Variants in CSMD1 observed in about 807,000 individuals in gnomAD.
CSMD1 encodes the protein CUB and sushi domain-containing protein 1.
A neutral mutation model predicts 417.5 loss-of-function variants in CSMD1; 213 were observed. That is an observed-to-expected ratio of 0.51 (90% CI 0.46 to 0.57). CSMD1 has a LOEUF of 0.57. Ranked by LOEUF, CSMD1 falls within the 20% of genes least tolerant of loss-of-function variation. CSMD1 has a pLI of 0.00. For missense variants in CSMD1, 6,923 were observed against 4,529.7 expected, an observed-to-expected ratio of 1.53 and a Z score of -15.17; for synonymous variants, 2,862 against 1,736.8, an observed-to-expected ratio of 1.65 and a Z score of -16.11.
intron 3 of CSMD1, among the ~76,000 whole-genome samples, chr8:4,202,053 G>A (rs1167193746): frequency 6.6e-6 from 1 of 151,988 alleles, no homozygotes; most frequent in African/African-American, 2.4e-5. Flanking sequence ...CCTGCTGTGG[G>A]TTGGCTCTTA....
At chr8:3,755,585 A>G (rs577324366) in intron 5 of CSMD1, among the ~76,000 whole-genome samples, 6 of 152,146 alleles carry the variant, frequency 3.9e-5, no homozygotes, top group Admixed American at 6.5e-5. Flanking sequence ...ATTTCTACAC[A>G]GACGATTTCC....
chr8:3,764,404 A>C (rs970885385), intron 5 of CSMD1, among the ~76,000 whole-genome samples: 1 of 152,160 alleles, frequency 6.6e-6, no homozygotes, highest in South Asian at 2.1e-4. Flanking sequence ...ATAATCAAAC[A>C]TATATAAACA....
At chr8:3,063,415 A>G (rs1042122326) in intron 49 of CSMD1, among the ~76,000 whole-genome samples, 2 of 152,256 alleles carry the variant, frequency 1.3e-5, no homozygotes, top group African/African-American at 4.8e-5. Flanking sequence ...GTTAAACAAT[A>G]CAGCCACTGT....
intron 7 of CSMD1, among the ~76,000 whole-genome samples, chr8:3,686,435 G>T (rs1344503365): frequency 6.6e-6 from 1 of 152,042 alleles, no homozygotes; most frequent in Non-Finnish European, 1.5e-5. Context: ...TGGTGGATGG[G>T]TTAAGAATAT....
chr8:4,916,385 T>C (rs1260156376), intron 1 of CSMD1, among the ~76,000 whole-genome samples: 1 of 152,254 alleles, frequency 6.6e-6, no homozygotes, highest in Non-Finnish European at 1.5e-5. Context: ...GGTTATAGAT[T>C]CAGAGTACAT....
chr8:3,574,700 G>C (rs1021029725), intron 10 of CSMD1, among the ~76,000 whole-genome samples: 3 of 152,216 alleles, frequency 2.0e-5, no homozygotes, highest in Non-Finnish European at 2.9e-5. Flanking sequence ...GATACATAAA[G>C]GAGGAATGTA....
intron 3 of CSMD1, among the ~76,000 whole-genome samples, chr8:4,291,945 G>A (rs957240186): frequency 6.6e-6 from 1 of 152,182 alleles, no homozygotes; most frequent in South Asian, 2.1e-4. Flanking sequence ...AAAGCAGGCA[G>A]GGAGCCTGGT....
At chr8:4,445,176 CT>C (rs956589128) in intron 2 of CSMD1, among the ~76,000 whole-genome samples, 4 of 151,746 alleles carry the variant, frequency 2.6e-5, no homozygotes, top group Admixed American at 6.6e-5. Flanking sequence ...AATCTGACAC[CT>C]TTTTTTTAAT....
chr8:4,686,411 C>T (rs924348125), intron 1 of CSMD1, among the ~76,000 whole-genome samples: 8 of 152,224 alleles, frequency 5.3e-5, no homozygotes, highest in Non-Finnish European at 1.0e-4. Flanking sequence ...CTGTCACCTG[C>T]CCTTGCTCTT....
rs57171569 is a variant in CSMD1 at position 3,284,636 on chromosome 8, C to T, written c.3951-290G>A. On this transcript the variant is annotated intron_variant, in intron 25 of 69. Coordinates refer to ENST00000635120, the MANE Select transcript of CSMD1 (RefSeq NM_033225.6). Reference sequence around the variant, plus strand: ...GATAAAAGGATTGCTTTTGAGACTTCCAGATCTCTGTATAATTTAAGCTTT... The same window carrying T: ...GATAAAAGGATTGCTTTTGAGACTTTCAGATCTCTGTATAATTTAAGCTTT... The T allele has an allele frequency of 1.1e-5, 4 of 369,670 alleles. No homozygotes were observed. In the South Asian group the frequency reaches 1.1e-4, roughly 10 times the overall value. 22.9% of individuals were successfully genotyped at this position (369,670 alleles called of 1,614,324 possible). A position where few individuals can be genotyped will look rare whatever the true frequency, so the allele number is the denominator to read the frequency against.
At chr8:4,133,964 A>G (rs943862019) in intron 3 of CSMD1, among the ~76,000 whole-genome samples, 2 of 152,310 alleles carry the variant, frequency 1.3e-5, no homozygotes, top group East Asian at 3.9e-4. Flanking sequence ...GCAAACAAAC[A>G]TTTTTAAACT....
At chr8:4,296,216 C>G (rs1304981251) in intron 3 of CSMD1, among the ~76,000 whole-genome samples, 2 of 152,090 alleles carry the variant, frequency 1.3e-5, no homozygotes, top group Non-Finnish European at 2.9e-5. Flanking sequence ...CAGCTGGGTC[C>G]AGCTTAAAAC....
chr8:3,753,751 A>G (rs1329748200), intron 6 of CSMD1, among the ~76,000 whole-genome samples, 179 bp downstream of exon 6: 8 of 152,244 alleles, frequency 5.3e-5, no homozygotes, highest in Non-Finnish European at 1.2e-4. Context: ...TGATAGTGAT[A>G]TAGCTTTACT....
chr8:3,325,898 T>C (rs556011623), intron 23 of CSMD1, among the ~76,000 whole-genome samples: 2 of 152,080 alleles, frequency 1.3e-5, no homozygotes, highest in South Asian at 4.1e-4. Context: ...CACTATCAGA[T>C]CATCACAAAA....
chr8:3,955,772 G>T (rs1043077414), intron 5 of CSMD1, among the ~76,000 whole-genome samples: 1 of 152,202 alleles, frequency 6.6e-6, no homozygotes, highest in African/African-American at 2.4e-5. Context: ...GAAACCCAGT[G>T]AATTAATATC....
intron 4 of CSMD1, among the ~76,000 whole-genome samples, chr8:4,009,867 A>G (rs1327781681): frequency 6.6e-6 from 1 of 151,890 alleles, no homozygotes; most frequent in Admixed American, 6.6e-5. Context: ...TTAAGAGGGT[A>G]CTCTCGTACA....
intron 12 of CSMD1, among the ~76,000 whole-genome samples, chr8:3,464,891 T>G (rs917549396): frequency 1.3e-5 from 2 of 152,164 alleles, no homozygotes; most frequent in African/African-American, 4.8e-5. Context: ...ATGATCTCCC[T>G]CAAGAGCTCT....
At chr8:4,242,015 G>A (rs985203634) in intron 3 of CSMD1, among the ~76,000 whole-genome samples, 6 of 152,142 alleles carry the variant, frequency 3.9e-5, no homozygotes, top group Non-Finnish European at 8.8e-5. Context: ...CAATTCATCT[G>A]CCCCTTGTTT....
intron 7 of CSMD1, among the ~76,000 whole-genome samples, chr8:3,701,825 C>T (rs1800887100): frequency 6.6e-6 from 1 of 152,136 alleles, no homozygotes; most frequent in Non-Finnish European, 1.5e-5. Flanking sequence ...ATCTGCCCTT[C>T]CAAATTATGC....
Sources: allele counts gnomAD v4.1 joint callset (sites outside exome capture counted in the v4.1 genomes callset), GRCh38; gene constraint gnomAD v4.1.1; transcripts MANE v1.5; gene names NCBI Gene and HGNC (gene_info 2026-07-23, HGNC 2026-07-21).